Variants in NYX observed in about 807,000 individuals in gnomAD.
NYX encodes the protein nyctalopin, also known as leucine-rich repeat protein.
For synonymous variants in NYX, 258 were observed against 245.7 expected, an observed-to-expected ratio of 1.05 and a Z score of -0.47; for missense variants, 481 against 485.4, an observed-to-expected ratio of 0.99 and a Z score of 0.09.
At chrX:41,454,321 T>C (rs951546540) in intron 2 of NYX, among the ~76,000 whole-genome samples, 1 of 103,732 alleles carries the variant, frequency 9.6e-6, no homozygotes, top group African/African-American at 3.6e-5. Context: ...ACATGGTCCC[T>C]TTTTTTTTTG....
chrX:41,458,944 G>A (rs2064308275), intron 2 of NYX, among the ~76,000 whole-genome samples: 1 of 109,299 alleles, frequency 9.1e-6, no homozygotes, highest in African/African-American at 3.3e-5. Flanking sequence ...TTAGCCAGGT[G>A]TGGTGGCAGG....
intron 2 of NYX, among the ~76,000 whole-genome samples, chrX:41,468,000 T>C (rs1000189454): frequency 1.8e-5 from 2 of 111,679 alleles, no homozygotes; most frequent in African/African-American, 6.5e-5. Flanking sequence ...AGTAAATTAG[T>C]TATTGCTCCT....
At chrX:41,472,347 A>T (rs748603022) in intron 2 of NYX, 130 of 1,142,726 alleles carry the variant, frequency 1.1e-4, no homozygotes, top group Non-Finnish European at 1.5e-4. Flanking sequence ...TGTGACACAT[A>T]GAAGTTGGCC....
At chrX:41,459,991 A>G (rs1334764562) in intron 2 of NYX, among the ~76,000 whole-genome samples, 1 of 107,616 alleles carries the variant, frequency 9.3e-6, no homozygotes, top group Non-Finnish European at 1.9e-5. Context: ...GCTATTTTAC[A>G]CTCCCATTGA....
chrX:41,460,876 A>ATTTTTTTTTTTTTTTTTTT (rs59383905), intron 2 of NYX, among the ~76,000 whole-genome samples: 1 of 24,778 alleles, frequency 4.0e-5, no homozygotes, highest in African/African-American at 1.5e-4. Context: ...CACAGTATGT[A>ATTTTTTTTTTTTTTTTTTT]TTTTTTTTTT....
chrX:41,454,834 C>T (rs1270911998), intron 2 of NYX, among the ~76,000 whole-genome samples: 1 of 110,719 alleles, frequency 9.0e-6, no homozygotes, highest in South Asian at 3.8e-4. Context: ...CCTGAACTTC[C>T]GGGCTCAAGT....
At chrX:41,449,785 C>T (rs1418354652) in intron 2 of NYX, among the ~76,000 whole-genome samples, 1 of 111,582 alleles carries the variant, frequency 9.0e-6, no homozygotes, top group Non-Finnish European at 1.9e-5. Context: ...TTGGAGAGCT[C>T]AGCGGTGACA....
intron 2 of NYX, 69 bp from the exon 3 acceptor site, chrX:41,473,422 T>G: frequency 1.1e-6 from 1 of 902,358 alleles, no homozygotes; most frequent in Non-Finnish European, 1.4e-6. Context: ...GGGGTGACCT[T>G]TGGCTGACGG....
intron 2 of NYX, among the ~76,000 whole-genome samples, chrX:41,468,011 A>C (rs1052664949): frequency 9.0e-6 from 1 of 111,568 alleles, no homozygotes; most frequent in Non-Finnish European, 1.9e-5. Flanking sequence ...TATTGCTCCT[A>C]ATGGCTATCA....
rs780650896 is a variant in NYX at position 41,474,734 on chromosome X, G to A, written c.1266G>A (p.Val422=). The A allele has an allele frequency of 8.4e-7, 1 of 1,194,667 alleles. No individual in the cohort carries two copies. The highest frequency in any genetic ancestry group is 3.0e-5 in the East Asian group (1 of 33,325). ...LSKLLAPRVP[V]EEAANTTGGL... is the part of the protein sequence containing the mutation. The stretch of plus-strand genomic sequence containing the variant: ...AGCTGCTGGCCCCGAGGGTCCCGGT[G>A]GAGGAGGCGGCCAACACCACTGGGG... Residue 422 remains valine (V), a synonymous_variant, in exon 3 of 3, where the codon GTG becomes GTA. Coordinates refer to ENST00000378220, the MANE Select transcript of NYX (RefSeq NM_001378477.3).
At chrX:41,447,966 G>A (rs1345725526) in intron 2 of NYX, 40 bp downstream of exon 2, 2 of 1,179,421 alleles carry the variant, frequency 1.7e-6, no homozygotes, top group South Asian at 1.8e-5. Flanking sequence ...TTGGGAAGAG[G>A]GGTGGAAGCC....
At chrX:41,472,261 T>C in intron 2 of NYX, 10 of 1,055,892 alleles carry the variant, frequency 9.5e-6, no homozygotes, top group Non-Finnish European at 1.3e-5. Context: ...AATATCTTTA[T>C]GGCTTGAAGG....
At chrX:41,472,138 G>A (rs377217922) in intron 2 of NYX, 1 of 385,136 alleles carries the variant, frequency 2.6e-6, no homozygotes. Flanking sequence ...CTTCCTTAAA[G>A]CTTGGCTCAA....
At chrX:41,472,700 G>A (rs894607554) in intron 2 of NYX, 5 of 349,461 alleles carry the variant, frequency 1.4e-5, no homozygotes, top group South Asian at 7.9e-5. Context: ...CACTTCCGCC[G>A]GCACCCCGCA....
chrX:41,450,512 C>A (rs1316266214), intron 2 of NYX, among the ~76,000 whole-genome samples: 1 of 110,337 alleles, frequency 9.1e-6, no homozygotes, highest in Non-Finnish European at 1.9e-5. Context: ...CTCAAGTGAT[C>A]TGCCTGCCTT....
chrX:41,465,575 G>A (rs1429546188), intron 2 of NYX, among the ~76,000 whole-genome samples: 1 of 103,663 alleles, frequency 9.6e-6, no homozygotes, highest in Non-Finnish European at 2.0e-5. Flanking sequence ...TGTTGCCCAG[G>A]CTGGAGTGCA....
chrX:41,455,678 C>T (rs1346008873), intron 2 of NYX, among the ~76,000 whole-genome samples: 2 of 111,201 alleles, frequency 1.8e-5, no homozygotes, highest in African/African-American at 3.3e-5. Context: ...AGCCTTTTTC[C>T]GATTTCCAGA....
chrX:41,461,220 C>T (rs1262119521), intron 2 of NYX, among the ~76,000 whole-genome samples: 1 of 107,952 alleles, frequency 9.3e-6, no homozygotes, highest in Non-Finnish European at 1.9e-5. Context: ...CATTCTCATG[C>T]CTTTGCATCC....
rs1162660668 is a variant in NYX, at chrX:41,475,588, T to C, written c.*689T>C. 9.0e-6 allele frequency: 1 copy of C among 110,968 alleles called. No individual in the cohort carries two copies. Among genetic ancestry groups the C allele is most frequent in the Non-Finnish European group, 1.9e-5 (1 of 52,880 alleles). 9.1% of individuals were successfully genotyped at this position (110,968 alleles called of 1,213,427 possible). On this transcript the variant is annotated 3_prime_UTR_variant, in exon 3 of 3. Coordinates refer to ENST00000378220, the MANE Select transcript of NYX (RefSeq NM_001378477.3). ...AAAAAAGGGGCAGCAGGGGGTGTGTTTGTGGACAAATAAATTTGTAAAGTC... is the reference window on the plus strand; with the variant it reads ...AAAAAAGGGGCAGCAGGGGGTGTGTCTGTGGACAAATAAATTTGTAAAGTC...
Sources: allele counts gnomAD v4.1 joint callset (sites outside exome capture counted in the v4.1 genomes callset), GRCh38; gene constraint gnomAD v4.1.1; transcripts MANE v1.5; gene names NCBI Gene and HGNC (gene_info 2026-07-23, HGNC 2026-07-21).